Variants in SHISA9 observed in about 807,000 individuals in gnomAD.
SHISA9 encodes shisa family member 9, also known as protein shisa-9.
In SHISA9, 13 loss-of-function variants were observed where a neutral mutation model predicts 38.0. That is an observed-to-expected ratio of 0.34 (90% confidence interval 0.22 to 0.54). SHISA9 has a LOEUF of 0.54. SHISA9 is among the 20% of genes least tolerant of loss of function. The pLI is 0.91. For synonymous variants in SHISA9, 275 were observed against 242.0 expected (o/e 1.14, Z -1.27); for missense variants, 538 against 575.8 (o/e 0.93, Z 0.67).
At chr16:13,048,867 T>C (rs1276849639) in intron 2 of SHISA9, among the ~76,000 whole-genome samples, 3 of 152,222 alleles carry the variant, frequency 2.0e-5, no homozygotes, top group Non-Finnish European at 4.4e-5. Context: ...GAGGGATTTA[T>C]TGAGTCGATC....
chr16:12,952,715 G>A (rs1399171229), intron 2 of SHISA9, among the ~76,000 whole-genome samples: 2 of 152,030 alleles, frequency 1.3e-5, no homozygotes, highest in African/African-American at 2.4e-5. Flanking sequence ...TTCTGCCATC[G>A]AATACATGCC....
intron 2 of SHISA9, among the ~76,000 whole-genome samples, chr16:13,004,786 G>C (rs1156901685): frequency 1.3e-5 from 2 of 151,436 alleles, no homozygotes; most frequent in East Asian, 3.9e-4. Context: ...AAAAAAATTA[G>C]CTGAACGCGG....
rs1862588 is a variant in SHISA9 at position 12,901,873 on chromosome 16, C to A, written c.-192C>A. ...GCGGCGCGCTGGAGGCGAACGCGGG[C>A]TGAGGCGAACGCGGGCTGAGCCGAG... On this transcript the variant is annotated 5_prime_UTR_variant, in exon 1 of 5. The change creates a new upstream start codon in the 5' untranslated region. Coordinates refer to ENST00000558583, the MANE Select transcript of SHISA9 (RefSeq NM_001145204.3). 1 of 165,332 alleles carries A rather than the reference C, an allele frequency of 6.0e-6. No homozygotes were observed. Among genetic ancestry groups the A allele is most frequent in the Non-Finnish European group, 1.1e-5 (1 of 88,696 alleles). The allele number at this position is 165,332 out of a possible 1,614,324, so 10.2% of individuals were successfully genotyped here. A position where few individuals can be genotyped will look rare whatever the true frequency, so the allele number is the denominator to read the frequency against.
the SHISA9 span, among the ~76,000 whole-genome samples, chr16:13,352,482 C>G: frequency 9.2e-5 from 14 of 151,982 alleles, no homozygotes; most frequent in African/African-American, 3.4e-4. Context: ...GGGAGCGTAG[C>G]TATATCCAGC....
At chr16:13,297,517 G>T in the SHISA9 span, among the ~76,000 whole-genome samples, 1 of 152,154 alleles carries the variant, frequency 6.6e-6, no homozygotes, top group Admixed American at 6.5e-5. Context: ...TCTCTAAAGT[G>T]GAAGATACCT....
chr16:13,307,015 A>T, the SHISA9 span, among the ~76,000 whole-genome samples: 3 of 152,352 alleles, frequency 2.0e-5, no homozygotes, highest in East Asian at 5.8e-4. Flanking sequence ...ATTTCATTTA[A>T]AATGTTACAA....
chr16:12,927,768 C>T (rs7202011), intron 2 of SHISA9, among the ~76,000 whole-genome samples: 18,113 of 151,952 alleles, frequency 0.12, 1,249 homozygotes, highest in African/African-American at 0.19. Flanking sequence ...TCCCACCCCC[C>T]ATAGATCTGT....
rs113512005 is a variant in SHISA9, at chr16:12,922,679, C to A, written c.691+5864C>A. On this transcript the variant is annotated intron_variant, in intron 2 of 4. Coordinates refer to ENST00000558583, the MANE Select transcript of SHISA9 (RefSeq NM_001145204.3). ...GGATTACAGGCAGATGCCACCACAC[C>A]CGGTTGATTTTTGTATTTTTAATAG... 0.025 allele frequency among the ~76,000 whole-genome samples: 3,771 copies of A among 152,162 alleles called. 275 individuals carry two copies. The East Asian group carries it at 0.3, about 12-fold the overall frequency.
chr16:13,473,349 C>CTTTTTTTTTTTTTTTTTTTTTTTT, the SHISA9 span, among the ~76,000 whole-genome samples: 67 of 73,860 alleles, frequency 9.1e-4, no homozygotes, highest in South Asian at 1.7e-3. Flanking sequence ...TTCTTTCTTT[C>CTTTTTTTTTTTTTTTTTTTTTTTT]TTTTTTTTTT....
the SHISA9 span, among the ~76,000 whole-genome samples, chr16:13,357,776 G>A: frequency 6.6e-6 from 1 of 151,386 alleles, no homozygotes; most frequent in East Asian, 2.0e-4. Context: ...AGGAGTGGGG[G>A]TCGCAAGGTG....
intron 2 of SHISA9, among the ~76,000 whole-genome samples, chr16:13,038,129 A>C (rs1337014154): frequency 1.3e-5 from 2 of 152,160 alleles, no homozygotes; most frequent in African/African-American, 4.8e-5. Context: ...AGCTGGGATT[A>C]CAGGTGTGCA....
At chr16:13,311,712 C>T in the SHISA9 span, among the ~76,000 whole-genome samples, 2 of 152,110 alleles carry the variant, frequency 1.3e-5, no homozygotes, top group African/African-American at 4.8e-5. Flanking sequence ...TCGTTGGTTC[C>T]TTCTCTCATT....
chr16:13,073,969 G>C (rs74749392), intron 2 of SHISA9, among the ~76,000 whole-genome samples: 1 of 127,894 alleles, frequency 7.8e-6, no homozygotes, highest in South Asian at 2.5e-4. Context: ...TTTTTTTTTT[G>C]TTTTTTTTTT....
chr16:13,543,035 T>A, the SHISA9 span, among the ~76,000 whole-genome samples: 11 of 152,336 alleles, frequency 7.2e-5, no homozygotes, highest in African/African-American at 2.4e-4. Context: ...GCATACTGAT[T>A]TCCAACGTTT....
intron 2 of SHISA9, among the ~76,000 whole-genome samples, chr16:13,128,297 A>T (rs540413534): frequency 6.6e-6 from 1 of 152,240 alleles, no homozygotes; most frequent in East Asian, 1.9e-4. Flanking sequence ...AGGGAATTCT[A>T]TGTGCATTGT....
the SHISA9 span, among the ~76,000 whole-genome samples, chr16:13,296,351 C>T: frequency 6.6e-6 from 1 of 151,676 alleles, no homozygotes; most frequent in Non-Finnish European, 1.5e-5. Flanking sequence ...GTAACAAATC[C>T]TGGCAATATT....
chr16:13,106,550 C>G (rs539112657), intron 2 of SHISA9, among the ~76,000 whole-genome samples: 39 of 152,208 alleles, frequency 2.6e-4, no homozygotes, highest in African/African-American at 9.4e-4. Flanking sequence ...TTGGGACATT[C>G]AATCCTGTAT....
At chr16:13,199,721 T>C (rs2050985648) in intron 2 of SHISA9, among the ~76,000 whole-genome samples, 1 of 152,256 alleles carries the variant, frequency 6.6e-6, no homozygotes. Flanking sequence ...ATGGAAGAAC[T>C]CTGATTGGCC....
At chr16:12,970,487 A>ATG (rs2072062244) in intron 2 of SHISA9, among the ~76,000 whole-genome samples, 5 of 25,074 alleles carry the variant, frequency 2.0e-4, no homozygotes, top group Non-Finnish European at 3.8e-4. Context: ...ATATATATAT[A>ATG]TATATATATA....
Sources: gnomAD v4.1 joint callset for allele counts (sites outside exome capture counted in the v4.1 genomes callset) on GRCh38, gnomAD v4.1.1 for gene constraint, MANE v1.5 for transcripts, NCBI Gene and HGNC (gene_info 2026-07-23, HGNC 2026-07-21) for gene names.